The following UNC80 variants were observed in gnomAD, a reference collection of about 807,000 sequenced individuals.
The protein encoded by UNC80 is unc-80 subunit of NALCN channel complex, also known as protein unc-80 homolog.
In UNC80, 164 loss-of-function variants were observed where a neutral mutation model predicts 384.6. The ratio of observed to expected loss-of-function variants is 0.43; its 90% confidence interval spans 0.38 to 0.49. UNC80 has a LOEUF of 0.49. Among genes scored for constraint, UNC80 ranks in the 20% least tolerant of loss-of-function variants. The probability of loss-of-function intolerance (pLI) is 0.00; values close to 1 mark genes in which losing one functional copy is unlikely to be tolerated. For missense variants in UNC80, 3,330 were observed against 4,143.0 expected (o/e 0.80, Z 5.39); for synonymous variants, 1,486 against 1,527.8 (o/e 0.97, Z 0.64).
intron 58 of UNC80, among the ~76,000 whole-genome samples, chr2:209,977,316 C>A (rs144843099): frequency 6.6e-6 from 1 of 152,240 alleles, no homozygotes; most frequent in East Asian, 1.9e-4. Context: ...TTTAGTTTTC[C>A]TTTTCTATAT....
chr2:209,938,203 A>T (rs538688686), intron 42 of UNC80, among the ~76,000 whole-genome samples: 14 of 152,360 alleles, frequency 9.2e-5, no homozygotes, highest in African/African-American at 3.1e-4. Flanking sequence ...TAATATTCAC[A>T]TTTAATCTCA....
chr2:209,957,724 G>C lies in UNC80; in HGVS notation c.7538G>C (p.Gly2513Ala). The stretch of plus-strand genomic sequence containing the variant: ...ACAGCCAATCACACCATGTCGTCTG[G>C]GGTGAACACCAGGTAATTCACTGCG... ...TTTANHTMSS[G>A]VNTRYQEQGA... Residue 2513 changes from glycine to alanine, a missense_variant, in exon 49 of 65, where the codon GGG becomes GCG. Transcript: ENST00000673920. The C allele has an allele frequency of 1.3e-6, 2 of 1,551,364 alleles. No homozygotes were observed. Among genetic ancestry groups the C allele is most frequent in the South Asian group, 2.4e-5 (2 of 84,044 alleles).
At chr2:209,883,735 C>T (rs1405599068) in intron 25 of UNC80, among the ~76,000 whole-genome samples, 1 of 152,054 alleles carries the variant, frequency 6.6e-6, no homozygotes, top group Non-Finnish European at 1.5e-5. Context: ...ATCTGGCCCC[C>T]ACTCTTTGAT....
chr2:209,972,552 A>G lies in UNC80; in HGVS notation c.8380+228A>G, dbSNP rs142557982. On this transcript the variant is annotated intron_variant, in intron 55 of 64. Transcript: ENST00000673920. ...TAGGAGATACGTCCTATTTAAAGTC[A>G]TTTCAGTACAGCAAAAATCAGGGGA... Among the ~76,000 whole-genome samples, 929 of 152,342 alleles carry G rather than the reference A, an allele frequency of 6.1e-3. 19 individuals carry two copies. The highest frequency in any genetic ancestry group is 0.021 in the African/African-American group (882 of 41,578).
intron 13 of UNC80, among the ~76,000 whole-genome samples, chr2:209,824,242 C>T (rs901110896): frequency 3.3e-5 from 5 of 152,070 alleles, no homozygotes; most frequent in Admixed American, 6.6e-5. Context: ...CTTCTGTTTG[C>T]AACCTTCTGA....
chr2:209,875,926 G>A (rs2084743651), intron 23 of UNC80, among the ~76,000 whole-genome samples: 1 of 151,990 alleles, frequency 6.6e-6, no homozygotes, highest in African/African-American at 2.4e-5. Context: ...CCACATAGAT[G>A]AATTAATTTT....
chr2:209,962,895 A>G (rs570803160), intron 51 of UNC80, among the ~76,000 whole-genome samples: 2 of 152,376 alleles, frequency 1.3e-5, no homozygotes, highest in East Asian at 3.9e-4. Flanking sequence ...GGTAGTATTA[A>G]ATCGTTCTTA....
At chr2:209,797,127 C>G (rs2078212058) in intron 7 of UNC80, among the ~76,000 whole-genome samples, 2 of 152,094 alleles carry the variant, frequency 1.3e-5, no homozygotes, top group South Asian at 4.2e-4. Flanking sequence ...TGAGATTTAT[C>G]CACATTATAG....
chr2:209,982,310 A>C lies in UNC80; in HGVS notation c.9250A>C (p.Ser3084Arg). 1 of 1,551,136 alleles carries C rather than the reference A, an allele frequency of 6.4e-7. No individual in the cohort carries two copies. The highest frequency in any genetic ancestry group is 8.7e-7 in the Non-Finnish European group (1 of 1,146,796). Residue 3084 changes from serine (S) to arginine (R), a missense_variant, in exon 60 of 65, where the codon AGC (serine) becomes CGC (arginine). Around this residue, in one of 8 missense-constraint regions of UNC80, gnomAD observed 216 missense variants for 245.3 expected, o/e 0.88. Coordinates refer to ENST00000673920, the MANE Select transcript of UNC80 (RefSeq NM_001371986.1). ...VPQAEVGMLPSQSEPNVLDDS... is the reference protein window; with the variant it reads ...VPQAEVGMLPRQSEPNVLDDS... ...TCAGGCTGAGGTGGGCATGCTACCCAGCCAGAGGTAAACAGCTATGGTTAT... is the reference window on the plus strand; with the variant it reads ...TCAGGCTGAGGTGGGCATGCTACCCCGCCAGAGGTAAACAGCTATGGTTAT...
chr2:209,915,343 T>TG (rs2089411821), intron 31 of UNC80, among the ~76,000 whole-genome samples: 1 of 148,440 alleles, frequency 6.7e-6, no homozygotes, highest in South Asian at 2.1e-4. Flanking sequence ...AGGCGGAACT[T>TG]GCAGTGAGCC....
At chr2:209,809,645 A>G in intron 7 of UNC80, 1 of 605,922 alleles carries the variant, frequency 1.7e-6, no homozygotes, top group South Asian at 2.0e-5. Flanking sequence ...CAGCCTCCCC[A>G]AGCTCCAGAA....
chr2:209,894,922 T>C (rs1020676730), intron 27 of UNC80, among the ~76,000 whole-genome samples: 1 of 152,180 alleles, frequency 6.6e-6, no homozygotes. Flanking sequence ...ATGAGTGATC[T>C]TCAACAAGTC....
intron 6 of UNC80, among the ~76,000 whole-genome samples, chr2:209,792,083 C>T (rs1236921709): frequency 6.6e-6 from 1 of 152,022 alleles, no homozygotes; most frequent in Non-Finnish European, 1.5e-5. Flanking sequence ...GCAGGCAGAT[C>T]ACTTGAGCCC....
chr2:209,803,871 T>C (rs966700032), intron 7 of UNC80, among the ~76,000 whole-genome samples: 6 of 152,144 alleles, frequency 3.9e-5, no homozygotes, highest in African/African-American at 1.4e-4. Flanking sequence ...TGGATAAGAA[T>C]ACAATGTGCA....
Position 209,998,142 on chromosome 2 carries a change from T to G in UNC80, c.*2547T>G. ...AAACAAAAAAGGTACCCACTTCCCA[T>G]GTAGAAAAAATTAGACTCAGCAAAG... On this transcript the variant is annotated 3_prime_UTR_variant, in exon 65 of 65. Transcript: ENST00000673920. The G allele has an allele frequency of 6.6e-6, 1 of 152,162 alleles. No individual in the cohort carries two copies. The highest frequency in any genetic ancestry group is 2.1e-4 in the South Asian group (1 of 4,832). The allele number at this position is 152,162 out of a possible 1,614,324, so 9.4% of individuals were successfully genotyped here.
chr2:209,828,524 A>T (rs1030894169), intron 14 of UNC80, among the ~76,000 whole-genome samples: 1 of 151,896 alleles, frequency 6.6e-6, no homozygotes, highest in Admixed American at 6.6e-5. Flanking sequence ...TCTCTCTCAA[A>T]ATTTCCAAGA....
intron 36 of UNC80, among the ~76,000 whole-genome samples, chr2:209,928,535 A>G (rs1483542031): frequency 2.6e-5 from 4 of 152,112 alleles, no homozygotes; most frequent in Admixed American, 2.6e-4. Flanking sequence ...TAACATGAAC[A>G]TTTTTAAAGT....
chr2:209,948,910 G>A (rs534299855), intron 47 of UNC80, among the ~76,000 whole-genome samples: 58 of 152,066 alleles, frequency 3.8e-4, no homozygotes, highest in African/African-American at 1.3e-3. Flanking sequence ...TCTTATTGAT[G>A]GATAATGAAT....
At chr2:209,947,149 T>G (rs2215670) in intron 47 of UNC80, among the ~76,000 whole-genome samples, 66 of 152,180 alleles carry the variant, frequency 4.3e-4, no homozygotes, top group Admixed American at 1.0e-3. Context: ...ATAATACCAC[T>G]GATCTACAAA....
Sources: allele counts gnomAD v4.1 joint callset (sites outside exome capture counted in the v4.1 genomes callset), GRCh38; gene constraint gnomAD v4.1.1; regional missense constraint gnomAD v4.1.1; transcripts MANE v1.5; gene names NCBI Gene and HGNC (gene_info 2026-07-23, HGNC 2026-07-21).